Variants in WWOX observed in about 807,000 individuals in gnomAD.
WWOX encodes WW domain containing oxidoreductase, also known as WW domain-containing oxidoreductase.
WWOX carries 69 observed loss-of-function variants against 46.2 expected under a neutral mutation model. The ratio of observed to expected loss-of-function variants is 1.49; its 90% CI spans 1.23 to 1.82. WWOX has a LOEUF of 1.82. Among genes scored for constraint, WWOX ranks in the 40% most tolerant of loss-of-function variants. WWOX has a pLI of 0.00. For synonymous variants in WWOX, 359 were observed against 202.6 expected, an observed-to-expected ratio of 1.77 and a Z score of -6.56; for missense variants, 919 against 542.6, an observed-to-expected ratio of 1.69 and a Z score of -6.89.
At chr16:79,136,709 G>A (rs1033706955) in intron 8 of WWOX, among the ~76,000 whole-genome samples, 5 of 152,220 alleles carry the variant, frequency 3.3e-5, no homozygotes, top group African/African-American at 4.8e-5. Context: ...ACCTGGGGCA[G>A]GTGACTTTAT....
At chr16:78,976,986 A>G (rs968356143) in intron 8 of WWOX, among the ~76,000 whole-genome samples, 1 of 152,078 alleles carries the variant, frequency 6.6e-6, no homozygotes, top group Non-Finnish European at 1.5e-5. Context: ...TATGTTTTTG[A>G]ATCTAGCATG....
At chr16:78,343,847 G>A (rs1352254248) in intron 5 of WWOX, among the ~76,000 whole-genome samples, 2 of 119,750 alleles carry the variant, frequency 1.7e-5, no homozygotes, top group African/African-American at 5.7e-5. Flanking sequence ...CCCGTTTTGG[G>A]CTTGAAAAGT....
At chr16:79,206,932 G>C (rs180937017) in intron 8 of WWOX, among the ~76,000 whole-genome samples, 2 of 152,156 alleles carry the variant, frequency 1.3e-5, no homozygotes, top group African/African-American at 4.8e-5. Context: ...TGGCCTTTTG[G>C]AGCAGTTTGC....
chr16:78,334,806 A>ACGCGCG (rs144097796), intron 5 of WWOX, among the ~76,000 whole-genome samples: 61 of 130,826 alleles, frequency 4.7e-4, no homozygotes, highest in African/African-American at 1.5e-3. Flanking sequence ...ACACACACAC[A>ACGCGCG]CGCACACACA....
In WWOX at chr16:79,212,646, A is replaced by AAAAG. The variant is rs1265592122; in HGVS notation, c.*853_*856dup. On this transcript the variant is annotated 3_prime_UTR_variant, in exon 9 of 9. Transcript: ENST00000566780. ...CTGTGCCTCGCATCCTATGCTTAAT[A>AAAAG]AAAGAACATGCTTGAATATCATCAC... 1 of 149,444 alleles carries AAAAG rather than the reference A, an allele frequency of 6.7e-6. No homozygotes were observed. 9.3% of individuals were successfully genotyped at this position (149,444 alleles called of 1,614,324 possible).
chr16:78,783,576 C>G lies in WWOX; in HGVS notation c.1056+350824C>G, dbSNP rs935482179. Reference sequence around the variant, plus strand: ...GTTGATGTGTATGAGACCTGAAGCCCTATGCCTTTGGGAAGGAGAGGAAGG... The same window carrying G: ...GTTGATGTGTATGAGACCTGAAGCCGTATGCCTTTGGGAAGGAGAGGAAGG... On this transcript the variant is annotated intron_variant, in intron 8 of 8. Coordinates refer to ENST00000566780, the MANE Select transcript of WWOX (RefSeq NM_016373.4). 2.5e-4 allele frequency among the ~76,000 whole-genome samples: 38 copies of G among 152,194 alleles called. 1 individual carries two copies. Among genetic ancestry groups the G allele is most frequent in the Admixed American group, 6.5e-5 (1 of 15,278 alleles).
At chr16:78,169,158 A>G (rs1298131570) in intron 5 of WWOX, among the ~76,000 whole-genome samples, 1 of 152,200 alleles carries the variant, frequency 6.6e-6, no homozygotes. Context: ...TGTGAATTAT[A>G]CACTGGTGCC....
chr16:79,124,040 T>A (rs1393186527), intron 8 of WWOX, among the ~76,000 whole-genome samples: 1 of 152,196 alleles, frequency 6.6e-6, no homozygotes, highest in East Asian at 1.9e-4. Flanking sequence ...TCTTATTAAA[T>A]AATTTCTTTG....
intron 8 of WWOX, among the ~76,000 whole-genome samples, chr16:78,579,097 C>T (rs2044980774): frequency 1.3e-5 from 2 of 152,020 alleles, no homozygotes; most frequent in African/African-American, 4.8e-5. Flanking sequence ...TGTTTGGTCT[C>T]TCGTCTTTGG....
rs34824749 is a variant in WWOX, at chr16:78,420,652, T to TG, written c.606-4218_606-4217insG. On this transcript the variant is annotated intron_variant, in intron 6 of 8. Transcript: ENST00000566780. ...ATAGAGGGTGGCTAGTGATTGCTAA[T>TG]TTTTTTTTTTTTTTTTGAGTTAAAA... 3.0e-3 allele frequency among the ~76,000 whole-genome samples: 161 copies of TG among 54,114 alleles called. 2 individuals carry two copies. Among genetic ancestry groups the TG allele is most frequent in the African/African-American group, 8.7e-3 (145 of 16,708 alleles). The allele number at this position is 54,114 out of a possible 152,430, so 35.5% of individuals were successfully genotyped here. A position where few individuals can be genotyped will look rare whatever the true frequency, so the allele number is the denominator to read the frequency against.
chr16:78,506,728 T>TTTTTTTTTTTTTTG (rs1330915138), intron 8 of WWOX, among the ~76,000 whole-genome samples: 2 of 93,592 alleles, frequency 2.1e-5, no homozygotes, highest in South Asian at 3.3e-4. Context: ...TTTTTTTTTT[T>TTTTTTTTTTTTTTG]GTACAGAGTC....
chr16:78,769,606 C>G (rs1020078733), intron 8 of WWOX, among the ~76,000 whole-genome samples: 4 of 145,926 alleles, frequency 2.7e-5, no homozygotes, highest in African/African-American at 7.6e-5. Context: ...GTTACTCCAT[C>G]AGTCAGGATC....
intron 8 of WWOX, chr16:78,535,758 C>T (rs548277891): frequency 3.3e-5 from 5 of 152,280 alleles, no homozygotes; most frequent in East Asian, 3.9e-4. Context: ...ACACTGTTCC[C>T]GTTGGCCATG....
intron 8 of WWOX, among the ~76,000 whole-genome samples, chr16:79,156,401 T>C (rs552750611): frequency 1.3e-5 from 2 of 152,302 alleles, no homozygotes; most frequent in South Asian, 2.1e-4. Flanking sequence ...CCTCAAGTGA[T>C]TCACCCGCCT....
intron 8 of WWOX, among the ~76,000 whole-genome samples, chr16:78,586,034 C>G (rs995518648): frequency 6.6e-6 from 1 of 151,390 alleles, no homozygotes. Flanking sequence ...GTCATCTCTA[C>G]CAAAAAACAA....
At chr16:79,202,074 G>C (rs1053645468) in intron 8 of WWOX, among the ~76,000 whole-genome samples, 38 of 152,094 alleles carry the variant, frequency 2.5e-4, no homozygotes, top group African/African-American at 7.2e-4. Context: ...TATAAATAAA[G>C]TTTTATTGGA....
chr16:78,594,094 T>G (rs1597320628), intron 8 of WWOX, among the ~76,000 whole-genome samples: 2 of 152,152 alleles, frequency 1.3e-5, no homozygotes, highest in East Asian at 3.9e-4. Context: ...AAGAGGATGA[T>G]AAAGTCACTT....
chr16:78,991,316 A>T (rs2151347410), intron 8 of WWOX, among the ~76,000 whole-genome samples: 1 of 152,280 alleles, frequency 6.6e-6, no homozygotes, highest in South Asian at 2.1e-4. Flanking sequence ...GGTCCCAGCC[A>T]GGCACAGTGG....
intron 8 of WWOX, among the ~76,000 whole-genome samples, chr16:78,968,918 A>G (rs983424116): frequency 7.0e-5 from 8 of 114,064 alleles, no homozygotes; most frequent in Non-Finnish European, 1.0e-4. Flanking sequence ...AGTTTCTTAA[A>G]GAAAAAAAAA....
Sources: allele counts gnomAD v4.1 joint callset (sites outside exome capture counted in the v4.1 genomes callset), GRCh38; gene constraint gnomAD v4.1.1; transcripts MANE v1.5; gene names NCBI Gene and HGNC (gene_info 2026-07-23, HGNC 2026-07-21).